The following EEF1A1 variants were observed in gnomAD, a reference collection of about 807,000 sequenced individuals.
EEF1A1 encodes the protein eukaryotic translation elongation factor 1 alpha 1.
In EEF1A1, 1 loss-of-function variant was observed where a neutral mutation model predicts 38.5. That is an observed-to-expected ratio of 0.03 (90% CI 0.01 to 0.12). The LOEUF (loss-of-function observed/expected upper bound fraction) is 0.12, where lower values mean the gene tolerates loss of function less well. EEF1A1 is among the 10% of genes least tolerant of loss of function. EEF1A1 has a pLI of 1.00. For synonymous variants in EEF1A1, 229 were observed against 203.7 expected (o/e 1.12, Z -1.06); for missense variants, 184 against 588.3 (o/e 0.31, Z 7.11).
rs1491384588 is a variant in EEF1A1, at chr6:73,516,892, A to AAGAG, written c.*917_*918insCTCT. On this transcript the variant is annotated 3_prime_UTR_variant, in exon 8 of 8. Coordinates refer to ENST00000309268, the MANE Select transcript of EEF1A1 (RefSeq NM_001402.6). ...GACAAACTGCTAATTATCAAAGCAT[A>AAGAG]AAAGGTATTAGACTCTGCAGGAGAA... is the stretch of plus-strand genomic sequence containing the variant. 6.6e-6 allele frequency: 1 copy of AAGAG among 152,246 alleles called. No homozygotes were observed. The highest frequency in any genetic ancestry group is 2.4e-5 in the African/African-American group (1 of 41,468). 9.4% of individuals were successfully genotyped at this position (152,246 alleles called of 1,614,324 possible). A position where few individuals can be genotyped will look rare whatever the true frequency, so the allele number is the denominator to read the frequency against.
intron 1 of EEF1A1, chr6:73,520,546 T>G (rs1765630055): frequency 2.6e-5 from 4 of 151,894 alleles, no homozygotes; most frequent in Admixed American, 2.6e-4. Context: ...ACTACCCCCG[T>G]CCGATTCTCG....
Position 73,519,192 on chromosome 6 carries a change from C to T in EEF1A1, c.361G>A (p.Gly121Ser). 1 of 1,600,148 alleles carries T rather than the reference C, an allele frequency of 6.2e-7. No homozygotes were observed. Among genetic ancestry groups the T allele is most frequent in the Non-Finnish European group, 8.5e-7 (1 of 1,177,434 alleles). Residue 121 changes from glycine (G) to serine (S), a missense_variant, in exon 4 of 8, where the codon GGT (glycine) becomes AGT (serine). Gly to Ser is a moderately conservative substitution (Grantham distance 56, BLOSUM62 0). This residue lies in a region of EEF1A1 where 57 missense variants were observed against 228.1 expected (regional missense o/e 0.25). Coordinates refer to ENST00000309268, the MANE Select transcript of EEF1A1 (RefSeq NM_001402.6). ...CAVLIVAAGV[G>S]EFEAGISKNG... is the part of the protein sequence containing the mutation. ...TTGGAGATACCAGCTTCAAATTCAC[C>T]AACACCAGCAGCAACAATCAGGACA...
intron 1 of EEF1A1, 69 bp from the exon 2 acceptor site, chr6:73,520,125 A>C (rs568898136): frequency 1.4e-6 from 2 of 1,441,518 alleles, no homozygotes; most frequent in Non-Finnish European, 1.9e-6. Flanking sequence ...CCAAACTCAA[A>C]AAGGGCAAAT....
chr6:73,520,119 A>G, intron 1 of EEF1A1, 63 bp from the exon 2 acceptor site: 2 of 1,478,598 alleles, frequency 1.4e-6, no homozygotes, highest in Non-Finnish European at 1.8e-6. Flanking sequence ...CAAGATCCAA[A>G]CTCAAAAAGG....
chr6:73,520,111 A>C (rs1190533449), intron 1 of EEF1A1, 55 bp from the exon 2 acceptor site: 4 of 1,507,382 alleles, frequency 2.7e-6, no homozygotes, highest in Admixed American at 2.2e-5. Flanking sequence ...GAATGAACCA[A>C]GATCCAAACT....
rs1765589462 is a variant in EEF1A1 at position 73,518,977 on chromosome 6, T to C, written c.576A>G (p.Pro192=). ...GYNPDTVAFV[P]ISGWNGDNML... ...TGTTGTCACCATTCCAACCAGAAAT[T>C]GGCACAAATGCTACTGTGTCGGGGT... is the stretch of plus-strand genomic sequence containing the variant. The change falls in exon 4 of 8, where the codon CCA becomes CCG. Residue 192 remains proline (P), a synonymous_variant. Transcript: ENST00000309268. 1.9e-6 allele frequency: 3 copies of C among 1,609,028 alleles called. No homozygotes were observed. Among genetic ancestry groups the C allele is most frequent in the East Asian group, 4.5e-5 (2 of 44,844 alleles).
chr6:73,519,762 G>A (rs1211212226), intron 2 of EEF1A1, 121 bp downstream of exon 2: 1 of 1,424,062 alleles, frequency 7.0e-7, no homozygotes. Flanking sequence ...TATTTCATAA[G>A]TAAGGTCTTA....
In EEF1A1 at chr6:73,519,221, C is replaced by G. The variant is rs747496389; in HGVS notation, c.332G>C (p.Cys111Ser). 6.2e-7 allele frequency: 1 copy of G among 1,605,252 alleles called. No individual in the cohort carries two copies. Among genetic ancestry groups the G allele is most frequent in the African/African-American group, 1.3e-5 (1 of 75,012 alleles). The change falls in exon 4 of 8, where the codon TGT (cysteine) becomes TCT (serine). Residue 111 changes from cysteine to serine, a missense_variant. This residue lies in a region of EEF1A1 where 57 missense variants were observed against 228.1 expected (regional missense o/e 0.25). Transcript: ENST00000309268. ...ACCAGCAGCAACAATCAGGACAGCA[C>G]AGTCAGCCTTTAAAGAAAGCAAAGA... ...NMITGTSQAD[C>S]AVLIVAAGVG...
At chr6:73,520,483 G>GGCGATACACGGCGGC (rs1376622863) in intron 1 of EEF1A1, 7 of 154,706 alleles carry the variant, frequency 4.5e-5, no homozygotes, top group African/African-American at 1.4e-4. Flanking sequence ...CCCAGGGCGG[G>GGCGATACACGGCGGC]GCGATACACG....
At position 73,519,241 on chromosome 6, in the gene EEF1A1, CA is replaced by C. The variant is rs1192354444; in HGVS notation, c.325-14del. 1 of 1,607,666 alleles carries C rather than the reference CA, an allele frequency of 6.2e-7. No individual in the cohort carries two copies. Among genetic ancestry groups the C allele is most frequent in the Non-Finnish European group, 8.5e-7 (1 of 1,177,560 alleles). On this transcript the variant is annotated splice_polypyrimidine_tract_variant and intron_variant, in intron 3 of 7. Coordinates refer to ENST00000309268, the MANE Select transcript of EEF1A1 (RefSeq NM_001402.6). ...CAGCACAGTCAGCCTTTAAAGAAAG[CA>C]AAGACATATCCCTGTCAACTCTCCA...
chr6:73,516,848 C>T lies in EEF1A1; in HGVS notation c.*962G>A, dbSNP rs1016176506. ...TGTTAAGCCTATTACCATGTAGTTT[C>T]ATTCCTAGTGACCAAGTAGACAAAC... On this transcript the variant is annotated 3_prime_UTR_variant, in exon 8 of 8. Transcript: ENST00000309268. 4 of 152,200 alleles carry T rather than the reference C, an allele frequency of 2.6e-5. No individual in the cohort carries two copies. The highest frequency in any genetic ancestry group is 7.2e-5 in the African/African-American group (3 of 41,446). 9.4% of individuals were successfully genotyped at this position (152,200 alleles called of 1,614,324 possible).
At chr6:73,518,887 C>T (rs1290830202) in intron 4 of EEF1A1, 39 bp from the exon 5 acceptor site, 10 of 1,610,782 alleles carry the variant, frequency 6.2e-6, no homozygotes, top group East Asian at 2.2e-5. Context: ...AGCATGAAAT[C>T]GCCATTCCCA....
Position 73,517,345 on chromosome 6 carries a change from T to C in EEF1A1, c.*465A>G, listed in dbSNP as rs1486506786. On this transcript the variant is annotated 3_prime_UTR_variant, in exon 8 of 8. Transcript: ENST00000309268. ...GTAATCAAAGCAACCCTCCCATAGCTTTAAATGATATTCCTTCCCCTTCCA... is the reference window on the plus strand; with the variant it reads ...GTAATCAAAGCAACCCTCCCATAGCCTTAAATGATATTCCTTCCCCTTCCA... 1 of 159,056 alleles carries C rather than the reference T, an allele frequency of 6.3e-6. No homozygotes were observed. The highest frequency in any genetic ancestry group is 1.4e-5 in the Non-Finnish European group (1 of 72,432). The allele number at this position is 159,056 out of a possible 1,614,324, so 9.9% of individuals were successfully genotyped here.
rs776686082 is a variant in EEF1A1 at position 73,519,863 on chromosome 6, C to T, written c.144+20G>A. ...AAAACTCATTTTAGTTGATCTTTCC[C>T]TTTCTGGTATTAAACATACCTCAGC... On this transcript the variant is annotated intron_variant, in intron 2 of 7. Coordinates refer to ENST00000309268, the MANE Select transcript of EEF1A1 (RefSeq NM_001402.6). 2 of 1,611,916 alleles carry T rather than the reference C, an allele frequency of 1.2e-6. No individual in the cohort carries two copies. Among genetic ancestry groups the T allele is most frequent in the South Asian group, 1.1e-5 (1 of 90,752 alleles).
At position 73,518,432 on chromosome 6, in the gene EEF1A1, G is replaced by A. The variant is rs1765577502; in HGVS notation, c.951C>T (p.Val317=). Residue 317 remains valine, a synonymous_variant, in exon 6 of 8, where the codon GTC becomes GTT. Transcript: ENST00000309268. ...CAACGTTGCCACGACGAACATCCTT[G>A]ACAGACACATTCTTGACATTGAAGC... ...NVGFNVKNVS[V]KDVRRGNVAG... 1.9e-6 allele frequency: 3 copies of A among 1,613,748 alleles called. No homozygotes were observed. Among genetic ancestry groups the A allele is most frequent in the Non-Finnish European group, 2.5e-6 (3 of 1,179,942 alleles).
intron 1 of EEF1A1, chr6:73,520,277 C>G: frequency 2.3e-6 from 1 of 434,524 alleles, no homozygotes; most frequent in Middle Eastern, 6.1e-4. Flanking sequence ...ATCGAGGTGC[C>G]TGGACGGCGC....
At position 73,518,858 on chromosome 6, in the gene EEF1A1, A is replaced by G. The variant is rs773547791; in HGVS notation, c.622-10T>C. On this transcript the variant is annotated splice_polypyrimidine_tract_variant and intron_variant, in intron 4 of 7. Coordinates refer to ENST00000309268, the MANE Select transcript of EEF1A1 (RefSeq NM_001402.6). ...CCTTGAACCAAGGCATCTGAAACAC[A>G]AGCATGCCAATTTGTGTAAGCATGA... is the stretch of plus-strand genomic sequence containing the variant. The G allele has an allele frequency of 6.2e-7, 1 of 1,613,090 alleles. No individual in the cohort carries two copies. Among genetic ancestry groups the G allele is most frequent in the African/African-American group, 1.3e-5 (1 of 75,032 alleles).
chr6:73,517,315 G>C lies in EEF1A1; in HGVS notation c.*495C>G, dbSNP rs1765544603. ...CAGCAACATGCTGCATTTCTCTCCA[G>C]TGTTGTAATCAAAGCAACCCTCCCA... On this transcript the variant is annotated 3_prime_UTR_variant, in exon 8 of 8. Coordinates refer to ENST00000309268, the MANE Select transcript of EEF1A1 (RefSeq NM_001402.6). 1 of 154,220 alleles carries C rather than the reference G, an allele frequency of 6.5e-6. No homozygotes were observed. Among genetic ancestry groups the C allele is most frequent in the Non-Finnish European group, 1.4e-5 (1 of 69,466 alleles). 9.6% of individuals were successfully genotyped at this position (154,220 alleles called of 1,614,324 possible).
intron 7 of EEF1A1, 40 bp from the exon 8 acceptor site, chr6:73,517,974 C>A: frequency 1.2e-6 from 2 of 1,613,182 alleles, no homozygotes; most frequent in Admixed American, 1.7e-5. Context: ...AAGTACTGTT[C>A]AGTTGTATTT....
Sources: allele counts gnomAD v4.1 joint callset, GRCh38; gene constraint gnomAD v4.1.1; regional missense constraint gnomAD v4.1.1; transcripts MANE v1.5; gene names NCBI Gene and HGNC (gene_info 2026-07-23, HGNC 2026-07-21).